UNC80: variants seen among roughly 807,000 people sequenced by gnomAD.
UNC80 encodes unc-80 subunit of NALCN channel complex.
In UNC80, 164 loss-of-function variants were observed where a neutral mutation model predicts 384.6. The observed-to-expected ratio is 0.43, with a 90% confidence interval of 0.38 to 0.49. The LOEUF is 0.49. Among genes scored for constraint, UNC80 ranks in the 20% least tolerant of loss-of-function variants. The pLI is 0.00. For synonymous variants in UNC80, 1,486 were observed against 1,527.8 expected, an observed-to-expected ratio of 0.97 and a Z score of 0.64; for missense variants, 3,330 against 4,143.0, an observed-to-expected ratio of 0.80 and a Z score of 5.39.
At chr2:209,991,461 C>T (rs564394655) in intron 61 of UNC80, among the ~76,000 whole-genome samples, 1 of 152,264 alleles carries the variant, frequency 6.6e-6, no homozygotes, top group East Asian at 1.9e-4. Flanking sequence ...GACACACATA[C>T]ACAGTAAATT....
At chr2:209,969,507 C>T (rs2092823157) in intron 52 of UNC80, 1 of 470,490 alleles carries the variant, frequency 2.1e-6, no homozygotes, top group East Asian at 3.6e-5. Flanking sequence ...AAGCTAAAAC[C>T]AGGGAAATTA....
chr2:209,938,523 C>T (rs939067736), intron 42 of UNC80, among the ~76,000 whole-genome samples: 1 of 152,024 alleles, frequency 6.6e-6, no homozygotes, highest in Admixed American at 6.6e-5. Context: ...AAAGAAAATA[C>T]TAAATGTGTT....
chr2:209,973,310 G>A (rs917909669), intron 56 of UNC80, 40 bp downstream of exon 56: 20 of 1,468,530 alleles, frequency 1.4e-5, no homozygotes, highest in Non-Finnish European at 1.8e-5. Flanking sequence ...TTGTGCATGT[G>A]TATGTATATG....
intron 21 of UNC80, among the ~76,000 whole-genome samples, chr2:209,845,718 A>G (rs1195753290): frequency 6.6e-6 from 1 of 152,160 alleles, no homozygotes; most frequent in African/African-American, 2.4e-5. Context: ...CTTGTATATC[A>G]CTATTCTTTG....
chr2:209,781,528 A>C lies in UNC80; in HGVS notation c.600+3969A>C, dbSNP rs544227766. On this transcript the variant is annotated intron_variant, in intron 4 of 64. Coordinates refer to ENST00000673920, the MANE Select transcript of UNC80 (RefSeq NM_001371986.1). ...CTCAGCTGCATTTAAAACTATCATC[A>C]TGCCCTCTTCTTGAAAGGTTCAGTT... Among the ~76,000 whole-genome samples, 67 of 152,196 alleles carry C rather than the reference A, an allele frequency of 4.4e-4. 1 individual carries two copies. Among genetic ancestry groups the C allele is most frequent in the African/African-American group, 1.4e-3 (60 of 41,516 alleles).
At position 209,872,079 on chromosome 2, in the gene UNC80, T is replaced by G. The variant is rs372569138; in HGVS notation, c.3628-679T>G. Among the ~76,000 whole-genome samples, 9 of 152,228 alleles carry G rather than the reference T, an allele frequency of 5.9e-5. No homozygotes were observed. The highest frequency in any genetic ancestry group is 1.9e-4 in the African/African-American group (8 of 41,546). ...GTGCAGTGGCGCGATCTCAGCTAAC[T>G]GCAACTTACACCTCCCAGGTTCAAG... On this transcript the variant is annotated intron_variant, in intron 22 of 64. Coordinates refer to ENST00000673920, the MANE Select transcript of UNC80 (RefSeq NM_001371986.1). This position sits in a 1 kb window ranked among gnomAD's most constrained non-coding sequence, Gnocchi z 4.1.
In UNC80 at chr2:209,978,658, A is replaced by G. The variant is rs766047775; in HGVS notation, c.9068A>G (p.Gln3023Arg). 7.1e-6 allele frequency: 11 copies of G among 1,550,830 alleles called. No homozygotes were observed. In the South Asian group the frequency reaches 1.3e-4, roughly 18 times the overall value. ...TGGGAGCAGGACAGTGAGCCATCCC[A>G]GCAGGCTTCGCAGGACACCCTGAGT... ...TVWEQDSEPS[Q>R]QASQDTLSRT... Residue 3023 changes from glutamine (Q) to arginine (R), a missense_variant, in exon 59 of 65, where the codon CAG (glutamine) becomes CGG (arginine). Around this residue, in one of 8 missense-constraint regions of UNC80, gnomAD observed 216 missense variants for 245.3 expected, o/e 0.88. Coordinates refer to ENST00000673920, the MANE Select transcript of UNC80 (RefSeq NM_001371986.1).
At chr2:209,875,142 A>G (rs1050385660) in intron 23 of UNC80, among the ~76,000 whole-genome samples, 1 of 152,160 alleles carries the variant, frequency 6.6e-6, no homozygotes, top group Non-Finnish European at 1.5e-5. Flanking sequence ...CACCCAAGAT[A>G]TGACATTCAT....
intron 36 of UNC80, among the ~76,000 whole-genome samples, chr2:209,929,368 A>G (rs963053771): frequency 6.6e-6 from 1 of 152,188 alleles, no homozygotes; most frequent in Admixed American, 6.5e-5. Context: ...GTTAGAAGTG[A>G]GAACCTAATT....
intron 10 of UNC80, 25 bp downstream of exon 10, chr2:209,817,150 G>A (rs1249113930): frequency 6.5e-7 from 1 of 1,547,024 alleles, no homozygotes; most frequent in South Asian, 1.2e-5. Flanking sequence ...TTCCAAAATA[G>A]GGCAGAGTTT....
chr2:209,868,393 A>T (rs2084010857), intron 22 of UNC80, among the ~76,000 whole-genome samples: 1 of 152,236 alleles, frequency 6.6e-6, no homozygotes, highest in South Asian at 2.1e-4. Flanking sequence ...TTTCAGGATC[A>T]GTCAAGATTT....
chr2:209,834,183 C>G lies in UNC80; in HGVS notation c.2942+15C>G. 2 of 1,550,992 alleles carry G rather than the reference C, an allele frequency of 1.3e-6. No homozygotes were observed. The highest frequency in any genetic ancestry group is 1.7e-6 in the Non-Finnish European group (2 of 1,146,578). On this transcript the variant is annotated intron_variant, in intron 17 of 64. Coordinates refer to ENST00000673920, the MANE Select transcript of UNC80 (RefSeq NM_001371986.1). Reference sequence around the variant, plus strand: ...GGCAGTAAAAGGTTGGAAGCTTGAACTCTCTGAATATTACTGTTTGCCTTA... The same window carrying G: ...GGCAGTAAAAGGTTGGAAGCTTGAAGTCTCTGAATATTACTGTTTGCCTTA...
chr2:209,908,336 A>T (rs2088511115), intron 29 of UNC80, among the ~76,000 whole-genome samples: 1 of 152,172 alleles, frequency 6.6e-6, no homozygotes, highest in South Asian at 2.1e-4. Flanking sequence ...AATTCTGATC[A>T]ATTTGCTAAT....
At chr2:209,786,246 G>A in intron 5 of UNC80, 57 bp downstream of exon 5, 2 of 1,543,892 alleles carry the variant, frequency 1.3e-6, no homozygotes, top group South Asian at 1.3e-5. Context: ...ACACACAGTA[G>A]TTAGAGTGAT....
At chr2:209,934,143 T>G in intron 39 of UNC80, 138 bp downstream of exon 39, 1 of 836,134 alleles carries the variant, frequency 1.2e-6, no homozygotes, top group Non-Finnish European at 1.8e-6. Flanking sequence ...CAAAGAATTT[T>G]TGTTTAATAT....
rs1484170619 is a variant in UNC80 at position 209,825,927 on chromosome 2, C to T, written c.2352C>T (p.Ser784=). Residue 784 remains serine, a synonymous_variant, in exon 14 of 65, where the codon AGC becomes AGT. Transcript: ENST00000673920. ...ACCAGGATGAAAGTACACCTGTAAG[C>T]AACCATAGGCTTGCTCTAACAATGC... ...NQEKDESTPV[S]NHRLALTMLI... 1.3e-6 allele frequency: 2 copies of T among 1,546,578 alleles called. No individual in the cohort carries two copies. Among genetic ancestry groups the T allele is most frequent in the South Asian group, 2.4e-5 (2 of 82,862 alleles).
In UNC80 at chr2:209,918,569, C is replaced by T. The variant is rs961514821; in HGVS notation, c.5249C>T (p.Pro1750Leu). 7.7e-6 allele frequency: 12 copies of T among 1,552,100 alleles called. No individual in the cohort carries two copies. Among genetic ancestry groups the T allele is most frequent in the African/African-American group, 1.4e-5 (1 of 73,030 alleles). Residue 1750 changes from proline (P) to leucine (L), a missense_variant, in exon 33 of 65, where the codon CCG becomes CTG. Around this residue, in one of 8 missense-constraint regions of UNC80, gnomAD observed 1,049 missense variants for 1,488.6 expected, o/e 0.70. Transcript: ENST00000673920. ...AGTATCAATTTCACCCTTCCCTCGC[C>T]GGTGCTTGGAATGCCATCCGTCCCA... ...PPSINFTLPS[P>L]VLGMPSVPMF...
At chr2:209,777,003 A>G (rs143052487) in intron 3 of UNC80, among the ~76,000 whole-genome samples, 1 of 152,262 alleles carries the variant, frequency 6.6e-6, no homozygotes, top group Non-Finnish European at 1.5e-5. Flanking sequence ...TTTAACCACT[A>G]CGCTGCCTAT....
At position 209,994,220 on chromosome 2, in the gene UNC80, C is replaced by G. The variant is rs1214671193; in HGVS notation, c.9664C>G (p.Pro3222Ala). The change falls in exon 64 of 65, where the codon CCC (proline) becomes GCC (alanine). Residue 3222 changes from proline (P) to alanine (A), a missense_variant. Around this residue, in one of 8 missense-constraint regions of UNC80, gnomAD observed 236 missense variants for 254.9 expected, o/e 0.93. Coordinates refer to ENST00000673920, the MANE Select transcript of UNC80 (RefSeq NM_001371986.1). ...GGACGAACCAGTCCTCACATCTTCTCCCGCCATAGTTGTTGCGGATCTCCA... is the reference window on the plus strand; with the variant it reads ...GGACGAACCAGTCCTCACATCTTCTGCCGCCATAGTTGTTGCGGATCTCCA... ...AMDEPVLTSS[P>A]AIVVADLHSV... 1.3e-6 allele frequency: 2 copies of G among 1,551,242 alleles called. No individual in the cohort carries two copies. The highest frequency in any genetic ancestry group is 2.4e-5 in the South Asian group (2 of 84,052).
Sources: allele counts gnomAD v4.1 joint callset (sites outside exome capture counted in the v4.1 genomes callset), GRCh38; gene constraint gnomAD v4.1.1; regional missense constraint gnomAD v4.1.1; non-coding constraint Gnocchi (gnomAD v3.1); transcripts MANE v1.5; gene names NCBI Gene and HGNC (gene_info 2026-07-23, HGNC 2026-07-21).